The following CAPZB variants were observed in gnomAD, a reference collection of about 807,000 sequenced individuals.
CAPZB encodes the protein capping actin protein of muscle Z-line subunit beta.
In CAPZB, 2 loss-of-function variants were observed where a neutral mutation model predicts 38.1. The ratio of observed to expected loss-of-function variants is 0.05; its 90% CI spans 0.02 to 0.17. The LOEUF is 0.17. Ranked by LOEUF, CAPZB falls within the 10% of genes least tolerant of loss-of-function variation. The probability of loss-of-function intolerance (pLI) is 1.00; values close to 1 mark genes in which losing one functional copy is unlikely to be tolerated. For missense variants in CAPZB, 161 were observed against 334.2 expected, an observed-to-expected ratio of 0.48 and a Z score of 4.04; for synonymous variants, 107 against 127.4, an observed-to-expected ratio of 0.84 and a Z score of 1.08.
chr1:19,463,094 C>T (rs56931210), intron 1 of CAPZB, among the ~76,000 whole-genome samples: 10,999 of 152,222 alleles, frequency 0.072, 1,041 homozygotes, highest in African/African-American at 0.21. Context: ...TGCAAGGCAG[C>T]AGGAAGGGAA....
chr1:19,412,960 C>T (rs1486468544), intron 2 of CAPZB, among the ~76,000 whole-genome samples: 1 of 152,230 alleles, frequency 6.6e-6, no homozygotes. Flanking sequence ...CATAAAATGT[C>T]AGCTCCATAG....
chr1:19,404,724 G>C (rs1302978470), intron 2 of CAPZB, among the ~76,000 whole-genome samples: 1 of 152,048 alleles, frequency 6.6e-6, no homozygotes, highest in African/African-American at 2.4e-5. Context: ...TTTGACAAGG[G>C]GCACGCACCC....
In CAPZB at chr1:19,357,270, T is replaced by C; in HGVS notation, c.471+152A>G. ...ATCATCAATGACTACTGCAGACTTA[T>C]CTTTATCCAAATGGCTTTGAGGCAT... On this transcript the variant is annotated intron_variant, in intron 5 of 8. Coordinates refer to ENST00000264202, the MANE Select transcript of CAPZB (RefSeq NM_004930.5). The surrounding 1 kb of genome is among the most constrained non-coding windows in gnomAD (Gnocchi z 4.3). 1.6e-6 allele frequency: 1 copy of C among 641,620 alleles called. No individual in the cohort carries two copies. The highest frequency in any genetic ancestry group is 2.7e-6 in the Non-Finnish European group (1 of 366,356). The allele number at this position is 641,620 out of a possible 1,614,324, so 39.7% of individuals were successfully genotyped here. A position where few individuals can be genotyped will look rare whatever the true frequency, so the allele number is the denominator to read the frequency against.
intron 2 of CAPZB, among the ~76,000 whole-genome samples, chr1:19,417,342 T>C (rs1355417796): frequency 6.6e-6 from 1 of 152,216 alleles, no homozygotes; most frequent in Non-Finnish European, 1.5e-5. Flanking sequence ...AATAACTAAA[T>C]TGGCAAACTA....
chr1:19,377,344 T>C (rs6426796), intron 4 of CAPZB, among the ~76,000 whole-genome samples: 152,199 of 152,368 alleles, frequency 1, 76,015 homozygotes, highest in Middle Eastern at 1. Flanking sequence ...GGGTTCAAAT[T>C]CTAGCTTTTC....
chr1:19,352,932 C>A (rs997108851), intron 6 of CAPZB, among the ~76,000 whole-genome samples: 1 of 152,242 alleles, frequency 6.6e-6, no homozygotes, highest in Non-Finnish European at 1.5e-5. Flanking sequence ...GGCCTACCAC[C>A]AGCCGCCTAC....
chr1:19,423,312 G>C (rs1457262406), intron 1 of CAPZB, among the ~76,000 whole-genome samples: 1 of 151,942 alleles, frequency 6.6e-6, no homozygotes, highest in Non-Finnish European at 1.5e-5. Flanking sequence ...CATTTGCTTG[G>C]GAGTCATCCC....
At chr1:19,368,109 A>G (rs770836265) in intron 4 of CAPZB, among the ~76,000 whole-genome samples, 1 of 152,172 alleles carries the variant, frequency 6.6e-6, no homozygotes, top group South Asian at 2.1e-4. Context: ...TACAGTTAAG[A>G]AAACTGTAAC....
At position 19,400,510 on chromosome 1, in the gene CAPZB, C is replaced by T. The variant is rs1037902766; in HGVS notation, c.94-14884G>A. 4.1e-4 allele frequency among the ~76,000 whole-genome samples: 63 copies of T among 152,218 alleles called. 2 individuals are homozygous for T. The highest frequency in any genetic ancestry group is 1.2e-4 in the Non-Finnish European group (8 of 68,046). On this transcript the variant is annotated intron_variant, in intron 2 of 8. Transcript: ENST00000264202. Reference sequence around the variant, plus strand: ...TCATCCAGGGCCAGTGCCTGCCAACCGCGAGATGTTGGCTTTCTAACAGCT... The same window carrying T: ...TCATCCAGGGCCAGTGCCTGCCAACTGCGAGATGTTGGCTTTCTAACAGCT...
At chr1:19,465,982 A>G (rs960850254) in intron 1 of CAPZB, among the ~76,000 whole-genome samples, 1 of 152,162 alleles carries the variant, frequency 6.6e-6, no homozygotes, top group East Asian at 1.9e-4. Context: ...AACCAGTCCC[A>G]GAGAGTTAAG....
At chr1:19,429,731 G>C (rs1266329191) in intron 1 of CAPZB, among the ~76,000 whole-genome samples, 1 of 152,120 alleles carries the variant, frequency 6.6e-6, no homozygotes, top group Non-Finnish European at 1.5e-5. Flanking sequence ...TCCCTCACTT[G>C]ACACAGGTTT....
intron 1 of CAPZB, chr1:19,484,264 G>A (rs750132724): frequency 1.9e-5 from 31 of 1,611,946 alleles, no homozygotes; most frequent in Non-Finnish European, 2.5e-5. Flanking sequence ...GGGAGGCTGC[G>A]CCTGCTTGGG....
Position 19,484,107 on chromosome 1 carries a change from CA to C in CAPZB, c.3+1328del, listed in dbSNP as rs754859349. ...GGCCTATGTGAAACCCCAGGTTCCT[CA>C]AAAGTCTGGATAGCATCTGCCTTCT... On this transcript the variant is annotated intron_variant, in intron 1 of 8. Coordinates refer to ENST00000264202, the MANE Select transcript of CAPZB (RefSeq NM_004930.5). The C allele has an allele frequency of 2.2e-5, 33 of 1,470,890 alleles. No individual in the cohort carries two copies. In the African/African-American group the frequency reaches 2.9e-4, roughly 13 times the overall value. The allele number at this position is 1,470,890 out of a possible 1,614,324, so 91.1% of individuals were successfully genotyped here.
At chr1:19,471,976 TTG>T (rs2094590181) in intron 1 of CAPZB, among the ~76,000 whole-genome samples, 2 of 152,022 alleles carry the variant, frequency 1.3e-5, no homozygotes, top group South Asian at 2.1e-4. Context: ...AGTAGGATCC[TTG>T]AGGATATTCC....
At chr1:19,451,097 C>T (rs911156425) in intron 1 of CAPZB, among the ~76,000 whole-genome samples, 3 of 152,188 alleles carry the variant, frequency 2.0e-5, no homozygotes, top group African/African-American at 4.8e-5. Context: ...AACTGATATG[C>T]GCCAAATCAG....
intron 6 of CAPZB, among the ~76,000 whole-genome samples, chr1:19,345,468 C>T (rs2093955303): frequency 6.6e-6 from 1 of 152,216 alleles, no homozygotes; most frequent in South Asian, 2.1e-4. Flanking sequence ...AGCCCAGAGT[C>T]CCACTTCCAA....
chr1:19,481,050 C>G (rs139013080), intron 1 of CAPZB, among the ~76,000 whole-genome samples: 83 of 152,336 alleles, frequency 5.4e-4, no homozygotes, highest in African/African-American at 1.9e-3. Flanking sequence ...TCATTACGAC[C>G]TTATGCAGAG....
intron 4 of CAPZB, among the ~76,000 whole-genome samples, chr1:19,367,031 G>C (rs1028759937): frequency 1.3e-5 from 2 of 152,218 alleles, no homozygotes; most frequent in Non-Finnish European, 2.9e-5. Context: ...TCGTGGTGTA[G>C]ACCAACGTTC....
At chr1:19,423,720 C>G (rs1360756421) in intron 1 of CAPZB, among the ~76,000 whole-genome samples, 1 of 151,760 alleles carries the variant, frequency 6.6e-6, no homozygotes, top group Non-Finnish European at 1.5e-5. Context: ...CAGGGTCTCA[C>G]TTTGTTACCC....
Sources: gnomAD v4.1 joint callset for allele counts (sites outside exome capture counted in the v4.1 genomes callset) on GRCh38, gnomAD v4.1.1 for gene constraint, Gnocchi (gnomAD v3.1) non-coding constraint, MANE v1.5 for transcripts, NCBI Gene and HGNC (gene_info 2026-07-23, HGNC 2026-07-21) for gene names.